RNF150: variants seen among roughly 807,000 people sequenced by gnomAD.
The protein encoded by RNF150 is ring finger protein 150.
Under a neutral mutation model 39.3 loss-of-function variants are expected in RNF150, and 24 were observed. The ratio of observed to expected loss-of-function variants is 0.61; its 90% confidence interval spans 0.44 to 0.86. The LOEUF is 0.86. RNF150 is among the 40% of genes least tolerant of loss of function. The probability of loss-of-function intolerance (pLI) is 0.00; values close to 1 mark genes in which losing one functional copy is unlikely to be tolerated. For missense variants in RNF150, 502 were observed against 587.8 expected, an observed-to-expected ratio of 0.85 and a Z score of 1.51; for synonymous variants, 255 against 227.3, an observed-to-expected ratio of 1.12 and a Z score of -1.10.
At chr4:141,125,531 G>A (rs1454690908) in intron 1 of RNF150, among the ~76,000 whole-genome samples, 3 of 152,118 alleles carry the variant, frequency 2.0e-5, no homozygotes, top group South Asian at 2.1e-4. Context: ...TTCTTCTAGG[G>A]ATAAACTGAA....
intron 5 of RNF150, among the ~76,000 whole-genome samples, chr4:140,920,366 A>C (rs1313092961): frequency 6.8e-6 from 1 of 147,264 alleles, no homozygotes; most frequent in African/African-American, 2.5e-5. Context: ...CCCCATCAAA[A>C]AGTGGGCAAA....
intron 1 of RNF150, among the ~76,000 whole-genome samples, chr4:141,039,954 G>A (rs1278653735): frequency 6.6e-6 from 1 of 152,140 alleles, no homozygotes; most frequent in African/African-American, 2.4e-5. Context: ...TCCCCTGCGT[G>A]CCCTGATGTA....
Position 140,859,942 on chromosome 4 carries a change from CT to C in RNF150, c.*8318del, listed in dbSNP as rs1270146289. ...GCCAGTACGTAAGAACACGATTGCACTTATTTACATGATAGTCTTCTATATA... is the reference window on the plus strand; with the variant it reads ...GCCAGTACGTAAGAACACGATTGCACTATTTACATGATAGTCTTCTATATA... On this transcript the variant is annotated 3_prime_UTR_variant, in exon 7 of 7. Coordinates refer to ENST00000515673, the MANE Select transcript of RNF150 (RefSeq NM_020724.2). 6.6e-6 allele frequency: 1 copy of C among 152,030 alleles called. No individual in the cohort carries two copies. The highest frequency in any genetic ancestry group is 2.4e-5 in the African/African-American group (1 of 41,392). The allele number at this position is 152,030 out of a possible 1,614,324, so 9.4% of individuals were successfully genotyped here.
At chr4:141,101,385 T>C (rs891356840) in intron 1 of RNF150, among the ~76,000 whole-genome samples, 7 of 152,102 alleles carry the variant, frequency 4.6e-5, no homozygotes, top group African/African-American at 1.7e-4. Context: ...AGGGTCAGGA[T>C]AGTCAATATC....
At chr4:140,994,577 TACACAACA>T in intron 1 of RNF150, among the ~76,000 whole-genome samples, 1 of 152,190 alleles carries the variant, frequency 6.6e-6, no homozygotes, top group Non-Finnish European at 1.5e-5. Context: ...GGTGGCTCTC[TACACAACA>T]AAAACCACAT....
intron 4 of RNF150, among the ~76,000 whole-genome samples, chr4:140,929,054 G>A (rs1731511231): frequency 6.6e-6 from 1 of 152,116 alleles, no homozygotes; most frequent in Admixed American, 6.6e-5. Context: ...TCACCAACTG[G>A]TGTTGCTCCT....
At chr4:141,151,158 G>T (rs1288925675) in intron 1 of RNF150, among the ~76,000 whole-genome samples, 2 of 152,014 alleles carry the variant, frequency 1.3e-5, no homozygotes, top group African/African-American at 2.4e-5. Context: ...TGCCCATGCT[G>T]GTCTAGAACT....
intron 1 of RNF150, among the ~76,000 whole-genome samples, chr4:141,204,616 A>G (rs1728344176): frequency 6.6e-6 from 1 of 152,132 alleles, no homozygotes; most frequent in East Asian, 1.9e-4. Context: ...AGACAAACTG[A>G]GGTTATTGTC....
At chr4:141,063,362 C>A (rs2110924900) in intron 1 of RNF150, among the ~76,000 whole-genome samples, 1 of 152,190 alleles carries the variant, frequency 6.6e-6, no homozygotes, top group Admixed American at 6.5e-5. Context: ...GTGAAGCATC[C>A]AAGGTTTACT....
chr4:141,104,315 G>A (rs549461281), intron 1 of RNF150, among the ~76,000 whole-genome samples: 15 of 152,240 alleles, frequency 9.9e-5, no homozygotes, highest in East Asian at 9.6e-4. Flanking sequence ...AGCCATCTTC[G>A]CAATTGCTTA....
Position 140,981,184 on chromosome 4 carries a change from A to G in RNF150, c.485-13311T>C, listed in dbSNP as rs530019005. On this transcript the variant is annotated intron_variant, in intron 1 of 6. Transcript: ENST00000515673. ...ACAAGTATTAAGGTCAAGTTAAAAG[A>G]CCAACTACAGGTTGAGTATCCTTAT... 2.0e-4 allele frequency among the ~76,000 whole-genome samples: 30 copies of G among 152,308 alleles called. No homozygotes were observed. In the South Asian group the frequency reaches 6.2e-3, roughly 32 times the overall value.
intron 1 of RNF150, among the ~76,000 whole-genome samples, chr4:141,078,832 T>TATATACAC (rs1269919232): frequency 4.2e-4 from 43 of 102,840 alleles, no homozygotes; most frequent in African/African-American, 1.6e-3. Context: ...TATATATATA[T>TATATACAC]ACACACACAC....
intron 1 of RNF150, among the ~76,000 whole-genome samples, chr4:141,190,692 C>A (rs1279354413): frequency 6.6e-6 from 1 of 152,158 alleles, no homozygotes; most frequent in Non-Finnish European, 1.5e-5. Context: ...ATTGTTTAAA[C>A]CACAACTTAG....
intron 1 of RNF150, among the ~76,000 whole-genome samples, chr4:141,146,368 T>C (rs1275538772): frequency 1.3e-5 from 2 of 152,212 alleles, no homozygotes; most frequent in African/African-American, 4.8e-5. Context: ...AAGAGAATTA[T>C]TGTTTGCTGA....
At position 140,861,575 on chromosome 4, in the gene RNF150, T is replaced by C. The variant is rs1728492345; in HGVS notation, c.*6686A>G. On this transcript the variant is annotated 3_prime_UTR_variant, in exon 7 of 7. Transcript: ENST00000515673. ...CACTCTGCTCCTTGCAATAACATCC[T>C]ACTGAACAGTAAGTACCATGGATGC... The C allele has an allele frequency of 6.6e-6, 1 of 152,214 alleles. No homozygotes were observed. Among genetic ancestry groups the C allele is most frequent in the African/African-American group, 2.4e-5 (1 of 41,466 alleles). The allele number at this position is 152,214 out of a possible 1,614,324, so 9.4% of individuals were successfully genotyped here. A position where few individuals can be genotyped will look rare whatever the true frequency, so the allele number is the denominator to read the frequency against.
upstream of RNF150, among the ~76,000 whole-genome samples, chr4:141,136,696 A>C (rs1460822609): frequency 6.6e-6 from 1 of 152,242 alleles, no homozygotes; most frequent in Non-Finnish European, 1.5e-5. Flanking sequence ...TGTTACAGGC[A>C]CTGGGCATCC....
chr4:141,058,580 G>T (rs764504483), intron 1 of RNF150, among the ~76,000 whole-genome samples: 7 of 152,112 alleles, frequency 4.6e-5, no homozygotes, highest in Admixed American at 1.3e-4. Flanking sequence ...ACTGTACTGT[G>T]TCTCAGTCCA....
At chr4:140,962,082 CTCTCTCTCTCTCT>C in intron 2 of RNF150, among the ~76,000 whole-genome samples, 1 of 129,688 alleles carries the variant, frequency 7.7e-6, no homozygotes, top group African/African-American at 2.7e-5. Flanking sequence ...TCTCTCTCTA[CTCTCTCTCTCTCT>C]ACACACACGC....
At chr4:141,143,830 A>T (rs1727159725) in intron 1 of RNF150, among the ~76,000 whole-genome samples, 1 of 152,042 alleles carries the variant, frequency 6.6e-6, no homozygotes, top group South Asian at 2.1e-4. Flanking sequence ...TCACCCTTCA[A>T]AGGACTAATG....
Sources: allele counts gnomAD v4.1 joint callset (sites outside exome capture counted in the v4.1 genomes callset), GRCh38; gene constraint gnomAD v4.1.1; transcripts MANE v1.5; gene names NCBI Gene and HGNC (gene_info 2026-07-23, HGNC 2026-07-21).